The following YIF1A variants were observed in gnomAD, a reference collection of about 807,000 sequenced individuals.
YIF1A encodes protein YIF1A.
In YIF1A, 28 loss-of-function variants were observed where a neutral mutation model predicts 32.6. That is an observed-to-expected ratio of 0.86 (90% CI 0.64 to 1.18). YIF1A has a LOEUF of 1.18. Ranked by LOEUF, YIF1A falls within the 50% of genes most tolerant of loss-of-function variation. The probability of loss-of-function intolerance (pLI) is 0.00; values close to 1 mark genes in which losing one functional copy is unlikely to be tolerated. For missense variants in YIF1A, 373 were observed against 390.8 expected (o/e 0.95, Z 0.38); for synonymous variants, 175 against 162.2 (o/e 1.08, Z -0.60).
chr11:66,288,234 G>A lies in YIF1A; in HGVS notation c.90C>T (p.Ser30=). Residue 30 remains serine, a synonymous_variant, in exon 2 of 8, where the codon AGC becomes AGT. Transcript: ENST00000376901. The stretch of plus-strand genomic sequence containing the variant: ...CCCCGGGCTGGCTGGAATAACCACC[G>A]CTTGTGTCATCGAAGAGGGGAGGGG... ...PDPPPLFDDT[S]GGYSSQPGGY... The A allele has an allele frequency of 4.3e-6, 7 of 1,614,060 alleles. No homozygotes were observed. Among genetic ancestry groups the A allele is most frequent in the Non-Finnish European group, 5.9e-6 (7 of 1,180,028 alleles).
chr11:66,287,488 A>C (rs1478454387), intron 4 of YIF1A, 110 bp downstream of exon 4: 1 of 1,297,742 alleles, frequency 7.7e-7, no homozygotes, highest in Admixed American at 2.0e-5. Flanking sequence ...CAAAGCACCA[A>C]GAACAGATGC....
chr11:66,289,092 C>T lies in YIF1A; in HGVS notation c.-107G>A, dbSNP rs1207623757. 14 of 1,406,944 alleles carry T rather than the reference C, an allele frequency of 1.0e-5. No homozygotes were observed. The highest frequency in any genetic ancestry group is 3.0e-5 in the African/African-American group (2 of 66,896). 87.2% of individuals were successfully genotyped at this position (1,406,944 alleles called of 1,614,324 possible). On this transcript the variant is annotated 5_prime_UTR_variant, in exon 1 of 8. Coordinates refer to ENST00000376901, the MANE Select transcript of YIF1A (RefSeq NM_020470.3). ...AGGGTACCGACCGAGGCCACCCGGCCGCGCGACACGTCCCCCACCCCGCCG... is the reference window on the plus strand; with the variant it reads ...AGGGTACCGACCGAGGCCACCCGGCTGCGCGACACGTCCCCCACCCCGCCG...
chr11:66,286,429 C>T (rs781533588), intron 4 of YIF1A, among the ~76,000 whole-genome samples: 16 of 152,186 alleles, frequency 1.1e-4, no homozygotes, highest in Non-Finnish European at 2.4e-4. Flanking sequence ...CCAGCCTGGG[C>T]AACATGGCAA....
intron 1 of YIF1A, among the ~76,000 whole-genome samples, chr11:66,288,540 G>C (rs929646820): frequency 1.3e-5 from 2 of 152,246 alleles, no homozygotes; most frequent in Non-Finnish European, 2.9e-5. Flanking sequence ...CCCACTTGGG[G>C]TTTCTGAAGG....
chr11:66,288,925 C>A, intron 1 of YIF1A, 30 bp downstream of exon 1: 1 of 1,466,400 alleles, frequency 6.8e-7, no homozygotes, highest in Non-Finnish European at 8.9e-7. Flanking sequence ...CCCCGCCGGC[C>A]GCGCCGCGCC....
At position 66,284,657 on chromosome 11, in the gene YIF1A, T is replaced by A; in HGVS notation, c.862A>T (p.Thr288Ser). Residue 288 changes from threonine (T) to serine (S), a missense_variant, in exon 8 of 8, where the codon ACT (threonine) becomes TCT (serine). Thr to Ser is a moderately conservative substitution (Grantham distance 58). Transcript: ENST00000376901. ...AFQPLIIYWL[T>S]FHLVR ...GGGGGTCACCGGACCAGGTGGAAAG[T>A]CAGCCAGTATATGATGAGGGGCTGG... The A allele has an allele frequency of 6.2e-7, 1 of 1,612,806 alleles. No individual in the cohort carries two copies. Among genetic ancestry groups the A allele is most frequent in the Non-Finnish European group, 8.5e-7 (1 of 1,179,934 alleles).
chr11:66,287,532 C>T (rs770275232), intron 4 of YIF1A, 66 bp downstream of exon 4: 216 of 1,510,182 alleles, frequency 1.4e-4, no homozygotes, highest in Admixed American at 2.0e-4. Context: ...TCCCATTCAT[C>T]CCTCAAGGCA....
In YIF1A at chr11:66,287,920, G is replaced by A. The variant is rs756244745; in HGVS notation, c.244-4C>T. 5.3e-5 allele frequency: 85 copies of A among 1,612,688 alleles called. No homozygotes were observed. Among genetic ancestry groups the A allele is most frequent in the Non-Finnish European group, 6.7e-5 (79 of 1,179,936 alleles). On this transcript the variant is annotated splice_polypyrimidine_tract_variant and splice_region_variant and intron_variant, in intron 2 of 7. Coordinates refer to ENST00000376901, the MANE Select transcript of YIF1A (RefSeq NM_020470.3). ...TCACAGACACAAAACGGTGCAGCTG[G>A]GAGGGGAGAGAGGAAGCTGTGGGCA...
Position 66,284,711 on chromosome 11 carries a change from G to A in YIF1A, c.808C>T (p.Leu270Phe), listed in dbSNP as rs1857323114. 5.0e-6 allele frequency: 8 copies of A among 1,612,642 alleles called. No homozygotes were observed. Among genetic ancestry groups the A allele is most frequent in the Non-Finnish European group, 6.8e-6 (8 of 1,179,868 alleles). Residue 270 changes from leucine to phenylalanine, a missense_variant, in exon 8 of 8, where the codon CTC becomes TTC. By Grantham distance (22) the Leu-to-Phe change is conservative (BLOSUM62 0). Coordinates refer to ENST00000376901, the MANE Select transcript of YIF1A (RefSeq NM_020470.3). The stretch of plus-strand genomic sequence containing the variant: ...GCTGCAGCTCCCAGAGTCAGGTAGA[G>A]CTGGAGACGCTGCCGGGGGACGGGG... The part of the protein sequence containing the change: ...GGPVPRQRLQ[L>F]YLTLGAAAFQ...
chr11:66,289,122 C>T lies in YIF1A; in HGVS notation c.-137G>A, dbSNP rs1857415648. Reference sequence around the variant, plus strand: ...GACACGTCCCCCACCCCGCCGGTCTCGGCCACCATGTCCGTGGCGTCATCC... The same window carrying T: ...GACACGTCCCCCACCCCGCCGGTCTTGGCCACCATGTCCGTGGCGTCATCC... On this transcript the variant is annotated 5_prime_UTR_variant, in exon 1 of 8. Transcript: ENST00000376901. 5 of 1,288,782 alleles carry T rather than the reference C, an allele frequency of 3.9e-6. No homozygotes were observed. Among genetic ancestry groups the T allele is most frequent in the Non-Finnish European group, 5.1e-6 (5 of 989,690 alleles). The allele number at this position is 1,288,782 out of a possible 1,614,324, so 79.8% of individuals were successfully genotyped here.
At chr11:66,287,294 C>T (rs1261435768) in intron 4 of YIF1A, 2 of 415,384 alleles carry the variant, frequency 4.8e-6, no homozygotes, top group Non-Finnish European at 9.0e-6. Context: ...CCTGAAATCC[C>T]ATAGCTGGAG....
Position 66,284,679 on chromosome 11 carries a change from C to T in YIF1A, c.840G>A (p.Gln280=). The T allele has an allele frequency of 1.2e-6, 2 of 1,612,794 alleles. No individual in the cohort carries two copies. Among genetic ancestry groups the T allele is most frequent in the African/African-American group, 2.7e-5 (2 of 75,046 alleles). ...LYLTLGAAAF[Q]PLIIYWLTFH... ...AAGTCAGCCAGTATATGATGAGGGGCTGGAAGGCTGCAGCTCCCAGAGTCA... is the reference window on the plus strand; with the variant it reads ...AAGTCAGCCAGTATATGATGAGGGGTTGGAAGGCTGCAGCTCCCAGAGTCA... Residue 280 remains glutamine, a synonymous_variant, in exon 8 of 8, where the codon CAG becomes CAA. Transcript: ENST00000376901.
intron 5 of YIF1A, 63 bp from the exon 6 acceptor site, chr11:66,285,599 T>G (rs951824542): frequency 1.2e-6 from 2 of 1,611,088 alleles, no homozygotes; most frequent in African/African-American, 2.7e-5. Context: ...GAAGAGAGAC[T>G]GGGGCAACAG....
At chr11:66,288,867 C>T in intron 1 of YIF1A, 88 bp downstream of exon 1, 1 of 1,386,738 alleles carries the variant, frequency 7.2e-7, no homozygotes, top group Non-Finnish European at 9.3e-7. Context: ...GGCGGCGGTC[C>T]CAGTCGCTAT....
chr11:66,287,478 C>G, intron 4 of YIF1A, 120 bp downstream of exon 4: 1 of 1,232,880 alleles, frequency 8.1e-7, no homozygotes, highest in East Asian at 2.6e-5. Context: ...CACACATACA[C>G]AAAGCACCAA....
At chr11:66,286,014 C>T (rs1219351450) in intron 4 of YIF1A, among the ~76,000 whole-genome samples, 11 of 152,248 alleles carry the variant, frequency 7.2e-5, no homozygotes, top group Admixed American at 7.2e-4. Flanking sequence ...GGAAGCTCAT[C>T]AGTGTTCTGC....
intron 6 of YIF1A, 58 bp downstream of exon 6, chr11:66,285,323 G>A: frequency 6.3e-7 from 1 of 1,580,952 alleles, no homozygotes; most frequent in Non-Finnish European, 8.6e-7. Context: ...ACAGTTCGAG[G>A]CTACAGCTAT....
chr11:66,287,582 C>T lies in YIF1A; in HGVS notation c.427+16G>A. ...CCCCACCCCACCACGTTCCCCAGCC[C>T]AGGTTGGAGACTCACTGGGGATATA... On this transcript the variant is annotated intron_variant, in intron 4 of 7. Coordinates refer to ENST00000376901, the MANE Select transcript of YIF1A (RefSeq NM_020470.3). 1 of 1,610,404 alleles carries T rather than the reference C, an allele frequency of 6.2e-7. No individual in the cohort carries two copies. The highest frequency in any genetic ancestry group is 2.2e-5 in the East Asian group (1 of 44,792).
At chr11:66,285,141 C>T in intron 6 of YIF1A, 175 bp from the exon 7 acceptor site, 1 of 867,080 alleles carries the variant, frequency 1.2e-6, no homozygotes, top group Non-Finnish European at 1.8e-6. Context: ...AGGACTCAGC[C>T]CCAGGACCTG....
Sources: gnomAD v4.1 joint callset for allele counts (sites outside exome capture counted in the v4.1 genomes callset) on GRCh38, gnomAD v4.1.1 for gene constraint, MANE v1.5 for transcripts, NCBI Gene and HGNC (gene_info 2026-07-23, HGNC 2026-07-21) for gene names.